The following ZBED4 variants were observed in gnomAD, a reference collection of about 807,000 sequenced individuals.
ZBED4 encodes the protein zinc finger BED domain-containing protein 4.
Under a neutral mutation model 15.5 loss-of-function variants are expected in ZBED4, and 4 were observed. That is an observed-to-expected ratio of 0.26 (90% confidence interval 0.13 to 0.59). The LOEUF is 0.59. Among genes scored for constraint, ZBED4 ranks in the 20% least tolerant of loss-of-function variants. The pLI, the probability that ZBED4 is intolerant of heterozygous loss-of-function variation, is 0.90. For synonymous variants in ZBED4, 692 were observed against 608.5 expected, an observed-to-expected ratio of 1.14 and a Z score of -2.02; for missense variants, 1,323 against 1,461.8, an observed-to-expected ratio of 0.91 and a Z score of 1.55.
chr22:49,883,290 T>C (rs2060419116), intron 1 of ZBED4, 44 bp from the exon 2 acceptor site: 1 of 162,866 alleles, frequency 6.1e-6, no homozygotes, highest in Non-Finnish European at 1.3e-5. Context: ...GAGGTTAAAA[T>C]GTGTGATTTA....
At chr22:49,858,078 T>C (rs1334654475) in intron 1 of ZBED4, among the ~76,000 whole-genome samples, 5 of 152,088 alleles carry the variant, frequency 3.3e-5, no homozygotes, top group African/African-American at 4.8e-5. Context: ...GTTTTTGTAT[T>C]TTTAGTAGAG....
intron 1 of ZBED4, among the ~76,000 whole-genome samples, chr22:49,858,880 C>G (rs141859077): frequency 6.6e-6 from 1 of 152,252 alleles, no homozygotes; most frequent in East Asian, 1.9e-4. Context: ...CCCGGAGCAC[C>G]CCCTGTGATC....
At chr22:49,863,966 C>T (rs887547078) in intron 1 of ZBED4, among the ~76,000 whole-genome samples, 2 of 152,208 alleles carry the variant, frequency 1.3e-5, no homozygotes, top group East Asian at 3.9e-4. Flanking sequence ...CCTGAACTCT[C>T]TCAGAGGTTT....
intron 1 of ZBED4, among the ~76,000 whole-genome samples, chr22:49,880,355 A>G (rs184769288): frequency 3.3e-5 from 5 of 152,288 alleles, no homozygotes; most frequent in African/African-American, 4.8e-5. Context: ...TATTCAGCCA[A>G]AGACACGAGG....
intron 1 of ZBED4, among the ~76,000 whole-genome samples, chr22:49,863,318 C>A (rs989276408): frequency 1.3e-5 from 2 of 152,170 alleles, no homozygotes; most frequent in African/African-American, 2.4e-5. Flanking sequence ...CATCACCACA[C>A]CCAGCTAAGT....
chr22:49,883,867 A>G lies in ZBED4; in HGVS notation c.205A>G (p.Lys69Glu). 1 of 1,607,408 alleles carries G rather than the reference A, an allele frequency of 6.2e-7. No homozygotes were observed. The change falls in exon 2 of 2, where the codon AAG (lysine) becomes GAG (glutamate). Residue 69 changes from lysine (K) to glutamate (E), a missense_variant. By Grantham distance (56) the Lys-to-Glu change is moderately conservative. This residue lies in a region of ZBED4 where 380 missense variants were observed against 413.7 expected (regional missense o/e 0.92). Coordinates refer to ENST00000216268, the MANE Select transcript of ZBED4 (RefSeq NM_014838.3). Reference sequence around the variant, plus strand: ...CCTCGGTGGGACGGGTTGCAGCTGCAAGCCCCCGGGGAAGTACTTGTCTGC... The same window carrying G: ...CCTCGGTGGGACGGGTTGCAGCTGCGAGCCCCCGGGGAAGTACTTGTCTGC... ...AGLGGTGCSC[K>E]PPGKYLSAES...
At chr22:49,855,140 C>T (rs9628153) in intron 1 of ZBED4, among the ~76,000 whole-genome samples, 6,934 of 152,200 alleles carry the variant, frequency 0.046, 491 homozygotes, top group African/African-American at 0.15. Flanking sequence ...TACAAGGCTG[C>T]ACACTTCCCG....
At chr22:49,877,211 T>G (rs2060381028) in intron 1 of ZBED4, among the ~76,000 whole-genome samples, 1 of 151,398 alleles carries the variant, frequency 6.6e-6, no homozygotes, top group Non-Finnish European at 1.5e-5. Flanking sequence ...AAGTCTTGCT[T>G]TTTTATTCAT....
At chr22:49,861,229 C>G (rs922308111) in intron 1 of ZBED4, among the ~76,000 whole-genome samples, 3 of 151,892 alleles carry the variant, frequency 2.0e-5, no homozygotes, top group African/African-American at 4.8e-5. Context: ...GATGGAGTCT[C>G]GCTCTGGATT....
At position 49,887,186 on chromosome 22, in the gene ZBED4, G is replaced by C. The variant is rs180898240; in HGVS notation, c.*8G>C. 1.9e-6 allele frequency: 3 copies of C among 1,598,264 alleles called. No homozygotes were observed. Among genetic ancestry groups the C allele is most frequent in the East Asian group, 2.2e-5 (1 of 44,768 alleles). Reference sequence around the variant, plus strand: ...ATATACTTTCAGTATTGAAACTCACGACGGCACCACTAGGCCAGAGGCGTG... The same window carrying C: ...ATATACTTTCAGTATTGAAACTCACCACGGCACCACTAGGCCAGAGGCGTG... On this transcript the variant is annotated 3_prime_UTR_variant, in exon 2 of 2. Coordinates refer to ENST00000216268, the MANE Select transcript of ZBED4 (RefSeq NM_014838.3).
intron 1 of ZBED4, among the ~76,000 whole-genome samples, chr22:49,881,017 C>T (rs1393093269): frequency 6.6e-6 from 1 of 152,214 alleles, no homozygotes; most frequent in East Asian, 1.9e-4. Flanking sequence ...TGCTTTCATG[C>T]ATGCTTTTGG....
rs1425268236 is a variant in ZBED4, at chr22:49,887,765, C to T, written c.*587C>T. ...AGAGACGTGGCATTTGGAAACGAAA[C>T]TTAGATGTTTCATGGAGCTTATTTT... On this transcript the variant is annotated 3_prime_UTR_variant, in exon 2 of 2. Coordinates refer to ENST00000216268, the MANE Select transcript of ZBED4 (RefSeq NM_014838.3). The T allele has an allele frequency of 6.0e-6, 1 of 167,256 alleles. No homozygotes were observed. The highest frequency in any genetic ancestry group is 1.5e-5 in the Non-Finnish European group (1 of 68,158). The allele number at this position is 167,256 out of a possible 1,614,324, so 10.4% of individuals were successfully genotyped here. A position where few individuals can be genotyped will look rare whatever the true frequency, so the allele number is the denominator to read the frequency against.
chr22:49,880,596 GGC>G (rs1776475531), intron 1 of ZBED4, among the ~76,000 whole-genome samples: 1 of 152,228 alleles, frequency 6.6e-6, no homozygotes. Flanking sequence ...CACGGCGTCT[GGC>G]TTATGAGTTG....
At chr22:49,882,614 C>T (rs1034161370) in intron 1 of ZBED4, among the ~76,000 whole-genome samples, 5 of 152,224 alleles carry the variant, frequency 3.3e-5, no homozygotes, top group African/African-American at 9.7e-5. Flanking sequence ...CCCTGTTCTC[C>T]GTCTTGCCCT....
intron 1 of ZBED4, among the ~76,000 whole-genome samples, chr22:49,869,329 G>T (rs113228479): frequency 6.6e-6 from 1 of 152,234 alleles, no homozygotes; most frequent in Non-Finnish European, 1.5e-5. Flanking sequence ...GTGAGTGCAC[G>T]GCTGCCTACC....
chr22:49,889,869 G>T lies in ZBED4; in HGVS notation c.*2691G>T, dbSNP rs1259174376. 6.0e-6 allele frequency: 1 copy of T among 167,022 alleles called. No individual in the cohort carries two copies. Among genetic ancestry groups the T allele is most frequent in the African/African-American group, 2.4e-5 (1 of 41,430 alleles). The allele number at this position is 167,022 out of a possible 1,614,324, so 10.3% of individuals were successfully genotyped here. On this transcript the variant is annotated 3_prime_UTR_variant, in exon 2 of 2. Transcript: ENST00000216268. ...CCGTTCAGAACCCCAGCTGCGAGCT[G>T]TTTGTTTCCCTGCCTGGAAATGATG...
At chr22:49,879,397 G>A (rs542666623) in intron 1 of ZBED4, among the ~76,000 whole-genome samples, 6 of 152,036 alleles carry the variant, frequency 3.9e-5, no homozygotes, top group East Asian at 2.0e-4. Context: ...GAAGTGCTGC[G>A]ATTACAGGTG....
chr22:49,865,197 A>G (rs1387962929), intron 1 of ZBED4, among the ~76,000 whole-genome samples: 1 of 152,106 alleles, frequency 6.6e-6, no homozygotes, highest in Non-Finnish European at 1.5e-5. Flanking sequence ...ACTACACTGA[A>G]GCCTGTAGGC....
intron 1 of ZBED4, among the ~76,000 whole-genome samples, chr22:49,867,921 A>T (rs1191900969): frequency 1.3e-5 from 2 of 152,238 alleles, no homozygotes; most frequent in African/African-American, 2.4e-5. Context: ...CCTGACACAA[A>T]GCCTGTTTTG....
Sources: allele counts gnomAD v4.1 joint callset (sites outside exome capture counted in the v4.1 genomes callset), GRCh38; gene constraint gnomAD v4.1.1; regional missense constraint gnomAD v4.1.1; transcripts MANE v1.5; gene names NCBI Gene and HGNC (gene_info 2026-07-23, HGNC 2026-07-21).